Variants in NAALADL2 observed in about 807,000 individuals in gnomAD.
NAALADL2 encodes the protein N-acetylated alpha-linked acidic dipeptidase like 2, also known as inactive N-acetylated-alpha-linked acidic dipeptidase-like protein 2.
In NAALADL2, 76 loss-of-function variants were observed where a neutral mutation model predicts 87.2. The ratio of observed to expected loss-of-function variants is 0.87; its 90% confidence interval spans 0.72 to 1.05. The LOEUF (loss-of-function observed/expected upper bound fraction) is 1.05, where lower values mean the gene tolerates loss of function less well. Ranked by LOEUF, NAALADL2 falls within the 50% of genes least tolerant of loss-of-function variation. NAALADL2 has a pLI of 0.00. For missense variants in NAALADL2, 1,089 were observed against 945.8 expected (o/e 1.15, Z -1.99); for synonymous variants, 354 against 331.0 (o/e 1.07, Z -0.75).
At chr3:174,644,702 T>A (rs1723601872) in intron 2 of NAALADL2, among the ~76,000 whole-genome samples, 1 of 152,318 alleles carries the variant, frequency 6.6e-6, no homozygotes, top group African/African-American at 2.4e-5. Context: ...ATGATGTTTT[T>A]GTCTTATGAG....
At chr3:174,718,925 T>C (rs1034940870) in intron 2 of NAALADL2, among the ~76,000 whole-genome samples, 1 of 152,040 alleles carries the variant, frequency 6.6e-6, no homozygotes, top group Non-Finnish European at 1.5e-5. Flanking sequence ...GGAAAAAAAA[T>C]GCAGTCTTTT....
intron 5 of NAALADL2, among the ~76,000 whole-genome samples, chr3:175,378,117 C>T (rs1191504344): frequency 4.6e-5 from 7 of 152,172 alleles, no homozygotes; most frequent in Non-Finnish European, 8.8e-5. Context: ...TCTGGGGCTT[C>T]AGGGGTCACA....
At chr3:175,346,754 G>T (rs1763197293) in intron 5 of NAALADL2, among the ~76,000 whole-genome samples, 1 of 152,186 alleles carries the variant, frequency 6.6e-6, no homozygotes. Flanking sequence ...CTGAGGTCGA[G>T]AGGGTTAAAC....
chr3:174,647,087 C>CA (rs1331807147), intron 2 of NAALADL2, among the ~76,000 whole-genome samples: 2 of 151,994 alleles, frequency 1.3e-5, no homozygotes, highest in Non-Finnish European at 2.9e-5. Context: ...GTTTAAATAA[C>CA]AAAAATAATG....
At chr3:174,472,958 T>G (rs761938147) in intron 1 of NAALADL2, among the ~76,000 whole-genome samples, 3 of 152,186 alleles carry the variant, frequency 2.0e-5, no homozygotes, top group Non-Finnish European at 4.4e-5. Context: ...GGTTATATTA[T>G]CCTATAATTT....
chr3:175,145,332 A>G (rs762429420), intron 2 of NAALADL2, among the ~76,000 whole-genome samples: 30 of 151,942 alleles, frequency 2.0e-4, no homozygotes, highest in Non-Finnish European at 2.5e-4. Context: ...TTCCAATTAG[A>G]TTTAGACAAA....
chr3:175,323,874 C>T (rs1179150029), intron 4 of NAALADL2, among the ~76,000 whole-genome samples: 1 of 150,342 alleles, frequency 6.7e-6, no homozygotes, highest in African/African-American at 2.4e-5. Context: ...AAAAATTAGC[C>T]GGGTGTGGTG....
chr3:175,308,560 A>C (rs2079702192), intron 4 of NAALADL2, among the ~76,000 whole-genome samples: 1 of 152,206 alleles, frequency 6.6e-6, no homozygotes, highest in South Asian at 2.1e-4. Context: ...TTAACAGTGA[A>C]TGTCTTGTTC....
intron 6 of NAALADL2, among the ~76,000 whole-genome samples, chr3:175,454,132 G>A (rs1721981343): frequency 6.6e-6 from 1 of 151,934 alleles, no homozygotes; most frequent in Admixed American, 6.6e-5. Context: ...AATGCAATCT[G>A]ATAGTCTTTT....
intron 5 of NAALADL2, among the ~76,000 whole-genome samples, chr3:175,418,980 T>C (rs934639668): frequency 6.6e-6 from 1 of 151,976 alleles, no homozygotes; most frequent in African/African-American, 2.4e-5. Flanking sequence ...ACCTTCCTGT[T>C]GAGTGATCAT....
At chr3:175,051,459 G>A (rs543791471) in intron 1 of NAALADL2, among the ~76,000 whole-genome samples, 1 of 152,214 alleles carries the variant, frequency 6.6e-6, no homozygotes, top group Non-Finnish European at 1.5e-5. Flanking sequence ...GCAGGATTCA[G>A]TTTCTTGTGG....
At chr3:175,022,331 G>A (rs1264852699) in intron 1 of NAALADL2, among the ~76,000 whole-genome samples, 4 of 152,006 alleles carry the variant, frequency 2.6e-5, no homozygotes, top group South Asian at 2.1e-4. Context: ...TGCTGGGTCC[G>A]GGGCTCTGTG....
chr3:174,953,273 A>G (rs949326413), intron 1 of NAALADL2, among the ~76,000 whole-genome samples: 5 of 143,932 alleles, frequency 3.5e-5, no homozygotes, highest in Admixed American at 1.4e-4. Context: ...AAACCAGGTT[A>G]CTTAGGACCC....
intron 1 of NAALADL2, among the ~76,000 whole-genome samples, chr3:174,903,973 ATCTATATCTATT>A (rs1282613538): frequency 5.3e-5 from 8 of 151,204 alleles, no homozygotes; most frequent in African/African-American, 2.0e-4. Context: ...CTATATCTAT[ATCTATATCTATT>A]TCTATATCTA....
intron 1 of NAALADL2, among the ~76,000 whole-genome samples, chr3:174,903,575 A>T (rs372798775): frequency 3.0e-4 from 45 of 151,572 alleles, no homozygotes; most frequent in African/African-American, 1.1e-3. Flanking sequence ...ATCTTTTAGT[A>T]GTAGTATTTG....
chr3:174,493,673 A>G (rs1417120413), intron 1 of NAALADL2, among the ~76,000 whole-genome samples: 1 of 152,212 alleles, frequency 6.6e-6, no homozygotes, highest in African/African-American at 2.4e-5. Context: ...AGGGAAAAAA[A>G]TTCATGTGAT....
At position 175,326,491 on chromosome 3, in the gene NAALADL2, C is replaced by A. The variant is rs1188875436; in HGVS notation, c.1090+2166C>A. Among the ~76,000 whole-genome samples, 5 of 152,314 alleles carry A rather than the reference C, an allele frequency of 3.3e-5. No homozygotes were observed. The East Asian group carries it at 9.7e-4, about 29-fold the overall frequency. ...CTTTACCCATTATCCACTTCCAAAGCTGCTTCTACATTTCTAGGAATTTGT... is the reference window on the plus strand; with the variant it reads ...CTTTACCCATTATCCACTTCCAAAGATGCTTCTACATTTCTAGGAATTTGT... On this transcript the variant is annotated intron_variant, in intron 5 of 13. Coordinates refer to ENST00000454872, the MANE Select transcript of NAALADL2 (RefSeq NM_207015.3).
rs140990241 is a variant in NAALADL2 at position 174,872,733 on chromosome 3, T to TACACACAC, written c.43+13299_43+13306dup. Reference sequence around the variant, plus strand: ...CAATGTATTCATCTACACACACACATACACACACACACACACACACACATT... The same window carrying TACACACAC: ...CAATGTATTCATCTACACACACACATACACACACACACACACACACACACACACACATT... On this transcript the variant is annotated intron_variant, in intron 1 of 13. Transcript: ENST00000454872. Among the ~76,000 whole-genome samples, 805 of 148,522 alleles carry TACACACAC rather than the reference T, an allele frequency of 5.4e-3. 6 individuals are homozygous for TACACACAC. Among genetic ancestry groups the TACACACAC allele is most frequent in the African/African-American group, 0.015 (599 of 40,734 alleles).
intron 3 of NAALADL2, among the ~76,000 whole-genome samples, chr3:175,240,767 T>C (rs1337724071): frequency 6.6e-6 from 1 of 152,186 alleles, no homozygotes; most frequent in African/African-American, 2.4e-5. Flanking sequence ...GCGATTCTCC[T>C]GGCTCAGCCT....
Sources: gnomAD v4.1 joint callset for allele counts (sites outside exome capture counted in the v4.1 genomes callset) on GRCh38, gnomAD v4.1.1 for gene constraint, MANE v1.5 for transcripts, NCBI Gene and HGNC (gene_info 2026-07-23, HGNC 2026-07-21) for gene names.